UGT1A8: variants seen among roughly 807,000 people sequenced by gnomAD.
UGT1A8 encodes the protein UDP glucuronosyltransferase family 1 member A8.
UGT1A8 carries 39 observed loss-of-function variants against 45.3 expected under a neutral mutation model. The ratio of observed to expected loss-of-function variants is 0.86; its 90% CI spans 0.67 to 1.12. The LOEUF (loss-of-function observed/expected upper bound fraction) is 1.12, where lower values mean the gene tolerates loss of function less well. Ranked by LOEUF, UGT1A8 falls within the 50% of genes most tolerant of loss-of-function variation. The pLI, the probability that UGT1A8 is intolerant of heterozygous loss-of-function variation, is 0.00. For missense variants in UGT1A8, 719 were observed against 664.9 expected (o/e 1.08, Z -0.90); for synonymous variants, 275 against 249.2 (o/e 1.10, Z -0.97).
At chr2:233,661,813 A>G (rs1230141658) in intron 1 of UGT1A8, among the ~76,000 whole-genome samples, 1 of 151,054 alleles carries the variant, frequency 6.6e-6, no homozygotes, top group African/African-American at 2.4e-5. Context: ...TCTCTGCTTC[A>G]TGGGAGCACT....
At position 233,725,191 on chromosome 2, in the gene UGT1A8, C is replaced by G. The variant is rs191532024; in HGVS notation, c.856-41843C>G. ...GGGAGACCGTGGGGAGAGGCAGAGG[C>G]AGAGGCAGAGGCAGAGGCAGAGGCA... On this transcript the variant is annotated intron_variant, in intron 1 of 4. Coordinates refer to ENST00000373450, the MANE Select transcript of UGT1A8 (RefSeq NM_019076.5). 5.0e-3 allele frequency among the ~76,000 whole-genome samples: 361 copies of G among 72,876 alleles called. 32 individuals carry two copies. The highest frequency in any genetic ancestry group is 0.021 in the African/African-American group (183 of 8,670). 47.8% of individuals were successfully genotyped at this position (72,876 alleles called of 152,430 possible).
At chr2:233,688,114 CT>C (rs2125539031) in intron 1 of UGT1A8, among the ~76,000 whole-genome samples, 1 of 152,300 alleles carries the variant, frequency 6.6e-6, no homozygotes, top group South Asian at 2.1e-4. Flanking sequence ...TCTTCTACCC[CT>C]CAGCACTAAT....
intron 1 of UGT1A8, among the ~76,000 whole-genome samples, chr2:233,700,247 A>G (rs1441280800): frequency 6.6e-6 from 1 of 152,230 alleles, no homozygotes; most frequent in Non-Finnish European, 1.5e-5. Flanking sequence ...AAAAGCCCCA[A>G]AATGCCAAGT....
chr2:233,696,741 G>A (rs2075357541), intron 1 of UGT1A8, among the ~76,000 whole-genome samples: 1 of 152,080 alleles, frequency 6.6e-6, no homozygotes, highest in African/African-American at 2.4e-5. Context: ...ACCCTTTTCA[G>A]TATGATGTTA....
Position 233,768,326 on chromosome 2 carries a change from G to A in UGT1A8, c.1182G>A (p.Gln394=), listed in dbSNP as rs1299905562. ...PMVMMPLFGD[Q]MDNAKRMETK... ...TGATGATGCCCTTGTTTGGTGATCAGATGGACAATGCAAAGCGCATGGAGA... is the reference window on the plus strand; with the variant it reads ...TGATGATGCCCTTGTTTGGTGATCAAATGGACAATGCAAAGCGCATGGAGA... The change falls in exon 4 of 5, where the codon CAG becomes CAA. Residue 394 remains glutamine (Q), a synonymous_variant. Transcript: ENST00000373450. 6.2e-7 allele frequency: 1 copy of A among 1,614,204 alleles called. No homozygotes were observed. The highest frequency in any genetic ancestry group is 1.3e-5 in the African/African-American group (1 of 75,056).
chr2:233,724,145 T>C (rs1184615097), intron 1 of UGT1A8, among the ~76,000 whole-genome samples: 8 of 114,770 alleles, frequency 7.0e-5, no homozygotes, highest in African/African-American at 2.9e-4. Flanking sequence ...ACGGGGCGGC[T>C]GGCCGGGTGG....
intron 1 of UGT1A8, among the ~76,000 whole-genome samples, chr2:233,745,694 GAAC>G (rs1198123453): frequency 1.3e-5 from 2 of 150,076 alleles, no homozygotes; most frequent in African/African-American, 2.5e-5. Flanking sequence ...CAAGTTTGGA[GAAC>G]AACAAGTGAT....
At chr2:233,631,258 GGTT>G (rs1207588787) in intron 1 of UGT1A8, among the ~76,000 whole-genome samples, 1 of 152,046 alleles carries the variant, frequency 6.6e-6, no homozygotes, top group Non-Finnish European at 1.5e-5. Flanking sequence ...CATTTGAGTT[GGTT>G]CCAAGTCTTT....
At chr2:233,755,368 G>A in intron 1 of UGT1A8, 1 of 361,208 alleles carries the variant, frequency 2.8e-6, no homozygotes, top group Non-Finnish European at 5.3e-6. Flanking sequence ...GGGCCGCCTG[G>A]AGGGCCGCCC....
At chr2:233,747,146 G>T in intron 1 of UGT1A8, 1 of 1,568,908 alleles carries the variant, frequency 6.4e-7, no homozygotes, top group Non-Finnish European at 8.6e-7. Flanking sequence ...AGGTAATTAA[G>T]ATGAAGAAAA....
At chr2:233,661,704 G>T (rs1575408625) in intron 1 of UGT1A8, among the ~76,000 whole-genome samples, 2 of 89,258 alleles carry the variant, frequency 2.2e-5, no homozygotes, top group African/African-American at 4.3e-5. Flanking sequence ...TCCTTATCTG[G>T]ATTCTTTTTT....
rs144483920 is a variant in UGT1A8 at position 233,744,779 on chromosome 2, C to T, written c.856-22255C>T. On this transcript the variant is annotated intron_variant, in intron 1 of 4. Transcript: ENST00000373450. ...ATAGTTTTAACTTTGCAAAATTCTCCTGAAAAATTCTTGGGGATCCCTAGG... is the reference window on the plus strand; with the variant it reads ...ATAGTTTTAACTTTGCAAAATTCTCTTGAAAAATTCTTGGGGATCCCTAGG... Among the ~76,000 whole-genome samples, 38 of 151,988 alleles carry T rather than the reference C, an allele frequency of 2.5e-4. 2 individuals are homozygous for T. In the East Asian group the frequency reaches 6.6e-3, roughly 26 times the overall value.
At chr2:233,743,823 G>C (rs752406673) in intron 1 of UGT1A8, 36 of 1,367,252 alleles carry the variant, frequency 2.6e-5, no homozygotes, top group Non-Finnish European at 3.4e-5. Flanking sequence ...TTTTTGTCGG[G>C]GTGCCACTTG....
At chr2:233,742,996 A>G in intron 1 of UGT1A8, 1 of 237,696 alleles carries the variant, frequency 4.2e-6, no homozygotes, top group South Asian at 5.8e-5. Context: ...AGCAAATTGC[A>G]TACAGATATT....
rs762748984 is a variant in UGT1A8 at position 233,755,099 on chromosome 2, C to T, written c.856-11935C>T. On this transcript the variant is annotated intron_variant, in intron 1 of 4. Transcript: ENST00000373450. ...CATAGATATCGCGTTTCTACGCGTCCGACAACACCTCGTAGGCCTCAGCCA... is the reference window on the plus strand; with the variant it reads ...CATAGATATCGCGTTTCTACGCGTCTGACAACACCTCGTAGGCCTCAGCCA... The T allele has an allele frequency of 6.0e-6, 8 of 1,334,956 alleles. 1 individual carries two copies. In the South Asian group the frequency reaches 8.0e-5, roughly 13 times the overall value. The allele number at this position is 1,334,956 out of a possible 1,614,324, so 82.7% of individuals were successfully genotyped here.
At chr2:233,678,006 T>C (rs941610830) in intron 1 of UGT1A8, among the ~76,000 whole-genome samples, 2 of 152,154 alleles carry the variant, frequency 1.3e-5, no homozygotes, top group Non-Finnish European at 2.9e-5. Context: ...AATGAAATCA[T>C]GTCCTTTGTA....
intron 1 of UGT1A8, among the ~76,000 whole-genome samples, chr2:233,702,877 C>G (rs7420193): frequency 0.12 from 18,416 of 152,098 alleles, 1,310 homozygotes; most frequent in South Asian, 0.2. Context: ...TTATTGAGGA[C>G]TTTTGCATCA....
At chr2:233,688,204 T>C (rs762193312) in intron 1 of UGT1A8, among the ~76,000 whole-genome samples, 1 of 152,240 alleles carries the variant, frequency 6.6e-6, no homozygotes, top group African/African-American at 2.4e-5. Flanking sequence ...TTCTTTCACT[T>C]AGTTTTGTGG....
Position 233,743,916 on chromosome 2 carries a change from T to C in UGT1A8, c.856-23118T>C, listed in dbSNP as rs774957959. On this transcript the variant is annotated intron_variant, in intron 1 of 4. Transcript: ENST00000373450. Reference sequence around the variant, plus strand: ...TCCAGCACCTCGTAGTAGTCCACCATGCTGGATGGCCAGAACGGCCCACCA... The same window carrying C: ...TCCAGCACCTCGTAGTAGTCCACCACGCTGGATGGCCAGAACGGCCCACCA... 1.8e-5 allele frequency: 25 copies of C among 1,364,598 alleles called. 1 individual carries two copies. Among genetic ancestry groups the C allele is most frequent in the South Asian group, 1.5e-4 (13 of 87,900 alleles). 84.5% of individuals were successfully genotyped at this position (1,364,598 alleles called of 1,614,324 possible). A position where few individuals can be genotyped will look rare whatever the true frequency, so the allele number is the denominator to read the frequency against.
Sources: gnomAD v4.1 joint callset for allele counts (sites outside exome capture counted in the v4.1 genomes callset) on GRCh38, gnomAD v4.1.1 for gene constraint, MANE v1.5 for transcripts, NCBI Gene and HGNC (gene_info 2026-07-23, HGNC 2026-07-21) for gene names.